The following SMURF1 variants were observed in gnomAD, a reference collection of about 807,000 sequenced individuals.
SMURF1 encodes the protein SMAD specific E3 ubiquitin protein ligase 1.
In SMURF1, 44 loss-of-function variants were observed where a neutral mutation model predicts 98.0. The observed-to-expected ratio is 0.45, with a 90% CI of 0.35 to 0.58. The LOEUF (loss-of-function observed/expected upper bound fraction) is 0.58, where lower values mean the gene tolerates loss of function less well. Among genes scored for constraint, SMURF1 ranks in the 20% least tolerant of loss-of-function variants. The pLI is 0.00. For missense variants in SMURF1, 687 were observed against 938.4 expected (o/e 0.73, Z 3.50); for synonymous variants, 396 against 374.9 (o/e 1.06, Z -0.65).
At chr7:99,034,425 C>A (rs1795044377) in intron 16 of SMURF1, among the ~76,000 whole-genome samples, 1 of 152,208 alleles carries the variant, frequency 6.6e-6, no homozygotes, top group South Asian at 2.1e-4. Context: ...GTGGGCAAGA[C>A]AATGGCGCCA....
At chr7:99,055,960 C>T (rs1026549652) in intron 5 of SMURF1, among the ~76,000 whole-genome samples, 1 of 150,980 alleles carries the variant, frequency 6.6e-6, no homozygotes, top group Admixed American at 6.6e-5. Context: ...AGCAAGACTC[C>T]GTGTCAAAAA....
At chr7:99,039,224 T>G (rs1259631369) in intron 13 of SMURF1, among the ~76,000 whole-genome samples, 1 of 147,120 alleles carries the variant, frequency 6.8e-6, no homozygotes, top group Non-Finnish European at 1.5e-5. Context: ...AAAAAAATAC[T>G]GTTCCTCCCT....
intron 1 of SMURF1, among the ~76,000 whole-genome samples, chr7:99,076,167 A>C (rs1329108922): frequency 2.4e-4 from 36 of 152,186 alleles, no homozygotes; most frequent in Admixed American, 2.3e-3. Context: ...AGCCTACCGA[A>C]GTGCTGGGAT....
At chr7:99,045,594 C>T in intron 11 of SMURF1, 104 bp downstream of exon 11, 1 of 907,414 alleles carries the variant, frequency 1.1e-6, no homozygotes, top group Non-Finnish European at 1.8e-6. Context: ...GACATCAGCC[C>T]TGCCCAGGAG....
intron 3 of SMURF1, 91 bp downstream of exon 3, chr7:99,060,506 CCT>C (rs1796006304): frequency 5.6e-6 from 4 of 710,820 alleles, no homozygotes; most frequent in Non-Finnish European, 8.7e-6. Flanking sequence ...AAAAAGTCAT[CCT>C]TTTTTTTTTT....
chr7:99,070,245 G>T (rs996765890), intron 1 of SMURF1, among the ~76,000 whole-genome samples: 1 of 152,164 alleles, frequency 6.6e-6, no homozygotes, highest in Non-Finnish European at 1.5e-5. Flanking sequence ...GTGGGGATGT[G>T]CCACCTGCTG....
intron 1 of SMURF1, among the ~76,000 whole-genome samples, chr7:99,122,349 G>GAA (rs1329689940): frequency 8.3e-6 from 1 of 120,682 alleles, no homozygotes; most frequent in Non-Finnish European, 1.7e-5. Flanking sequence ...AGAAGAAGAA[G>GAA]AAGAAAAAAA....
At chr7:99,045,885 A>G in intron 10 of SMURF1, 84 bp from the exon 11 acceptor site, 1 of 995,104 alleles carries the variant, frequency 1.0e-6, no homozygotes, top group Non-Finnish European at 1.6e-6. Context: ...GAGCCCGGTT[A>G]AGAACACGCA....
At chr7:99,050,900 G>A in intron 8 of SMURF1, 1 of 1,346,310 alleles carries the variant, frequency 7.4e-7, no homozygotes, top group Non-Finnish European at 1.0e-6. Context: ...GGGGTGGGGG[G>A]GGGGTCTCTC....
intron 1 of SMURF1, among the ~76,000 whole-genome samples, chr7:99,074,017 A>G (rs1796394579): frequency 6.6e-6 from 1 of 152,238 alleles, no homozygotes; most frequent in Non-Finnish European, 1.5e-5. Context: ...ACTATACAGC[A>G]ATGAGAATGG....
At chr7:99,074,047 C>A (rs1796395019) in intron 1 of SMURF1, among the ~76,000 whole-genome samples, 1 of 152,218 alleles carries the variant, frequency 6.6e-6, no homozygotes, top group Non-Finnish European at 1.5e-5. Context: ...ACAACACACA[C>A]ATTTATGAAT....
Position 99,030,849 on chromosome 7 carries a change from T to G in SMURF1, c.2097-166A>C. ...GTCCCCTGTGTTTTTCTGCTTCTAATACAAAGATTTGTAATTTGTTTTTGC... is the reference window on the plus strand; with the variant it reads ...GTCCCCTGTGTTTTTCTGCTTCTAAGACAAAGATTTGTAATTTGTTTTTGC... On this transcript the variant is annotated intron_variant, in intron 17 of 17. Transcript: ENST00000361368. The G allele has an allele frequency of 1.1e-5, 6 of 547,394 alleles. No homozygotes were observed. In the South Asian group the frequency reaches 1.4e-4, roughly 13 times the overall value. 33.9% of individuals were successfully genotyped at this position (547,394 alleles called of 1,614,324 possible).
rs575481292 is a variant in SMURF1, at chr7:99,038,850, G to C, written c.1551-325C>G. Among the ~76,000 whole-genome samples, 15 of 152,238 alleles carry C rather than the reference G, an allele frequency of 9.9e-5. No homozygotes were observed. In the South Asian group the frequency reaches 1.9e-3, roughly 19 times the overall value. On this transcript the variant is annotated intron_variant, in intron 13 of 17. Coordinates refer to ENST00000361368, the MANE Select transcript of SMURF1 (RefSeq NM_181349.3). ...GAGTCAAAAGGCAGGAACGTGAAGA[G>C]GTACCAGGGTCAAAGGGAAATTGAC... is the stretch of plus-strand genomic sequence containing the variant.
At chr7:99,110,071 T>A (rs1200928321) in intron 1 of SMURF1, among the ~76,000 whole-genome samples, 1 of 152,158 alleles carries the variant, frequency 6.6e-6, no homozygotes, top group Non-Finnish European at 1.5e-5. Flanking sequence ...TTGATATGAT[T>A]ATCAGGAAAA....
intron 1 of SMURF1, among the ~76,000 whole-genome samples, chr7:99,125,841 T>C (rs958679043): frequency 5.3e-5 from 8 of 152,236 alleles, no homozygotes; most frequent in Non-Finnish European, 1.0e-4. Context: ...TCATCTCATT[T>C]CCTGATCCAA....
chr7:99,062,719 A>G (rs930908884), intron 1 of SMURF1, among the ~76,000 whole-genome samples: 2 of 152,070 alleles, frequency 1.3e-5, no homozygotes, highest in African/African-American at 2.4e-5. Flanking sequence ...GTGGTAGCGC[A>G]TGCCTCTAAT....
intron 1 of SMURF1, among the ~76,000 whole-genome samples, chr7:99,114,955 T>C (rs1797405262): frequency 6.6e-6 from 1 of 151,720 alleles, no homozygotes; most frequent in Non-Finnish European, 1.5e-5. Context: ...AGAATGAAAA[T>C]ACAACATATC....
chr7:99,094,190 C>G (rs755026427), intron 1 of SMURF1, among the ~76,000 whole-genome samples: 18 of 152,138 alleles, frequency 1.2e-4, no homozygotes, highest in Non-Finnish European at 2.2e-4. Flanking sequence ...ACAACCTCTT[C>G]TGTAAGAAAG....
intron 12 of SMURF1, 44 bp downstream of exon 12, chr7:99,042,074 C>T (rs774603629): frequency 1.3e-6 from 2 of 1,488,150 alleles, no homozygotes; most frequent in African/African-American, 2.8e-5. Context: ...CATCTCAAAA[C>T]TTCTCCAACT....
Sources: allele counts gnomAD v4.1 joint callset (sites outside exome capture counted in the v4.1 genomes callset), GRCh38; gene constraint gnomAD v4.1.1; transcripts MANE v1.5; gene names NCBI Gene and HGNC (gene_info 2026-07-23, HGNC 2026-07-21).